Variants in TENM1 observed in about 807,000 individuals in gnomAD.
The protein encoded by TENM1 is teneurin-1.
A neutral mutation model predicts 174.8 loss-of-function variants in TENM1; 35 were observed. The ratio of observed to expected loss-of-function variants is 0.20; its 90% CI spans 0.15 to 0.27. TENM1 has a LOEUF of 0.27. TENM1 is among the 10% of genes least tolerant of loss of function. The pLI is 1.00. For missense variants in TENM1, 1,633 were observed against 2,130.1 expected (o/e 0.77, Z 4.59); for synonymous variants, 781 against 798.7 (o/e 0.98, Z 0.37).
chrX:125,053,907 G>A, the TENM1 span, among the ~76,000 whole-genome samples: 1 of 111,246 alleles, frequency 9.0e-6, no homozygotes, highest in Non-Finnish European at 1.9e-5. Flanking sequence ...AAGCAGTCTG[G>A]CTTCACCACC....
chrX:125,131,824 G>T, the TENM1 span, among the ~76,000 whole-genome samples: 1 of 111,574 alleles, frequency 9.0e-6, no homozygotes, highest in African/African-American at 3.3e-5. Flanking sequence ...GTACATACTT[G>T]AGTACTTTGT....
chrX:125,095,156 T>C, the TENM1 span, among the ~76,000 whole-genome samples: 1 of 111,898 alleles, frequency 8.9e-6, no homozygotes, highest in Non-Finnish European at 1.9e-5. Flanking sequence ...TCTCAGAACT[T>C]GAGCTCTCTA....
chrX:124,411,637 C>T (rs2060535658), intron 25 of TENM1, among the ~76,000 whole-genome samples: 1 of 111,158 alleles, frequency 9.0e-6, no homozygotes, highest in East Asian at 2.8e-4. Context: ...CTCAATATGG[C>T]CCTGGATCAA....
chrX:124,782,107 G>A (rs2054926559), intron 3 of TENM1, among the ~76,000 whole-genome samples: 1 of 111,440 alleles, frequency 9.0e-6, no homozygotes, highest in African/African-American at 3.3e-5. Context: ...CAAGCCATGT[G>A]TTAAAGACAG....
the TENM1 span, among the ~76,000 whole-genome samples, chrX:125,043,908 G>T: frequency 2.4e-4 from 2 of 8,463 alleles, no homozygotes; most frequent in African/African-American, 1.2e-3. Flanking sequence ...GTAAACTATC[G>T]CAAGAACAAA....
intron 3 of TENM1, among the ~76,000 whole-genome samples, chrX:124,752,386 G>A (rs1238683972): frequency 1.8e-5 from 2 of 111,511 alleles, no homozygotes; most frequent in Non-Finnish European, 3.8e-5. Context: ...TAGATTCTGT[G>A]TATTAGCCCT....
At chrX:124,940,650 CTAA>C (rs1240101106) in intron 1 of TENM1, among the ~76,000 whole-genome samples, 1 of 110,974 alleles carries the variant, frequency 9.0e-6, no homozygotes, top group Non-Finnish European at 1.9e-5. Context: ...GTTCATTCTG[CTAA>C]TGTTTCTTAC....
At chrX:125,124,894 C>T in the TENM1 span, among the ~76,000 whole-genome samples, 2 of 112,039 alleles carry the variant, frequency 1.8e-5, no homozygotes, top group African/African-American at 3.2e-5. Flanking sequence ...CTGCACCCCA[C>T]AATTTAACCA....
chrX:124,942,428 A>G (rs1201300847), intron 1 of TENM1, among the ~76,000 whole-genome samples: 2 of 111,825 alleles, frequency 1.8e-5, no homozygotes, highest in African/African-American at 6.5e-5. Context: ...TTCACCTTGA[A>G]GATTATGCTT....
At chrX:125,082,883 G>T in the TENM1 span, among the ~76,000 whole-genome samples, 1 of 110,598 alleles carries the variant, frequency 9.0e-6, no homozygotes, top group Non-Finnish European at 1.9e-5. Flanking sequence ...ATCATATCAG[G>T]GTAAATGGAG....
intron 1 of TENM1, among the ~76,000 whole-genome samples, chrX:124,917,787 C>T (rs1332384965): frequency 8.9e-6 from 1 of 111,811 alleles, no homozygotes; most frequent in East Asian, 2.8e-4. Context: ...GTGCAAATTT[C>T]TGCTCCTTAC....
At chrX:124,978,055 A>G in the TENM1 span, among the ~76,000 whole-genome samples, 1 of 108,079 alleles carries the variant, frequency 9.3e-6, no homozygotes, top group Non-Finnish European at 1.9e-5. Flanking sequence ...AGATTGGATA[A>G]TATCTACAGA....
chrX:124,819,068 G>A (rs755038723), intron 3 of TENM1, among the ~76,000 whole-genome samples: 12 of 111,986 alleles, frequency 1.1e-4, no homozygotes, highest in Admixed American at 4.8e-4. Flanking sequence ...ATTCTGGGGA[G>A]AAAATATAAA....
chrX:124,418,950 T>TATGTGAATCAGGACAA (rs2060622001), intron 25 of TENM1, among the ~76,000 whole-genome samples: 1 of 112,110 alleles, frequency 8.9e-6, no homozygotes, highest in South Asian at 3.8e-4. Context: ...TTAACTATTT[T>TATGTGAATCAGGACAA]GTCCTTCAGT....
At chrX:124,409,693 G>A (rs865918664) in intron 25 of TENM1, among the ~76,000 whole-genome samples, 1 of 104,697 alleles carries the variant, frequency 9.6e-6, no homozygotes, top group East Asian at 2.9e-4. Context: ...AAATCAATGT[G>A]CAAAAATCAC....
intron 3 of TENM1, among the ~76,000 whole-genome samples, chrX:124,886,783 T>C (rs766725413): frequency 2.1e-5 from 2 of 97,021 alleles, no homozygotes; most frequent in Non-Finnish European, 4.1e-5. Context: ...AGAGAACTAA[T>C]AAGAAAATAT....
chrX:124,471,246 A>AGTACTAT (rs1358572524), intron 22 of TENM1, among the ~76,000 whole-genome samples: 1 of 64,372 alleles, frequency 1.6e-5, no homozygotes, highest in African/African-American at 6.8e-5. Flanking sequence ...TATAATATAT[A>AGTACTAT]ATAATATATA....
intron 5 of TENM1, among the ~76,000 whole-genome samples, chrX:124,702,672 C>A (rs1382460437): frequency 8.9e-6 from 1 of 112,080 alleles, no homozygotes; most frequent in Non-Finnish European, 1.9e-5. Context: ...AGGCCTAGCA[C>A]TCAAGAGTCA....
chrX:125,189,594 C>T, the TENM1 span, among the ~76,000 whole-genome samples: 4 of 112,009 alleles, frequency 3.6e-5, no homozygotes, highest in African/African-American at 1.3e-4. Flanking sequence ...ATTAGCACCA[C>T]TGCCTGTTGT....
Sources: allele counts gnomAD v4.1 joint callset (sites outside exome capture counted in the v4.1 genomes callset), GRCh38; gene constraint gnomAD v4.1.1; transcripts MANE v1.5; gene names NCBI Gene and HGNC (gene_info 2026-07-23, HGNC 2026-07-21).